The following NFATC3 variants were observed in gnomAD, a reference collection of about 807,000 sequenced individuals.
NFATC3 encodes nuclear factor of activated T cells 3.
NFATC3 carries 46 observed loss-of-function variants against 98.6 expected under a neutral mutation model. That is an observed-to-expected ratio of 0.47 (90% CI 0.37 to 0.60). The LOEUF is 0.60. Among genes scored for constraint, NFATC3 ranks in the 20% least tolerant of loss-of-function variants. The pLI, the probability that NFATC3 is intolerant of heterozygous loss-of-function variation, is 0.00. For synonymous variants in NFATC3, 512 were observed against 472.2 expected, an observed-to-expected ratio of 1.08 and a Z score of -1.09; for missense variants, 1,256 against 1,295.5, an observed-to-expected ratio of 0.97 and a Z score of 0.47.
intron 1 of NFATC3, among the ~76,000 whole-genome samples, chr16:68,094,316 G>A (rs904835969): frequency 1.1e-4 from 16 of 151,636 alleles, no homozygotes; most frequent in Non-Finnish European, 2.2e-4. Context: ...TAGATCTGTC[G>A]TCAAAATTGC....
chr16:68,193,423 G>T (rs1439924783), intron 9 of NFATC3, among the ~76,000 whole-genome samples: 1 of 152,120 alleles, frequency 6.6e-6, no homozygotes, highest in South Asian at 2.1e-4. Context: ...TCAGTGCTTT[G>T]GGAGGCCAAG....
At chr16:68,128,412 AATTT>A (rs886972935) in intron 3 of NFATC3, among the ~76,000 whole-genome samples, 1 of 152,086 alleles carries the variant, frequency 6.6e-6, no homozygotes, top group African/African-American at 2.4e-5. Flanking sequence ...TTGTTAAATG[AATTT>A]ATTTCATTTT....
intron 2 of NFATC3, among the ~76,000 whole-genome samples, chr16:68,125,751 T>G (rs180829952): frequency 1.3e-5 from 2 of 152,318 alleles, no homozygotes; most frequent in Admixed American, 1.3e-4. Flanking sequence ...CAAATTATTA[T>G]TTTTTGGTTA....
intron 3 of NFATC3, among the ~76,000 whole-genome samples, chr16:68,135,457 C>CAAAAAAA (rs60331468): frequency 2.5e-5 from 2 of 78,726 alleles, no homozygotes; most frequent in Non-Finnish European, 4.8e-5. Context: ...GACTCCGTCT[C>CAAAAAAA]AAAAAAAAAA....
intron 1 of NFATC3, among the ~76,000 whole-genome samples, chr16:68,097,877 C>G (rs964843132): frequency 6.6e-6 from 1 of 152,274 alleles, no homozygotes; most frequent in South Asian, 2.1e-4. Flanking sequence ...TCACTCCCTC[C>G]CATACACCTT....
chr16:68,130,164 T>C (rs535194889), intron 3 of NFATC3, among the ~76,000 whole-genome samples: 2 of 152,358 alleles, frequency 1.3e-5, no homozygotes, highest in African/African-American at 4.8e-5. Context: ...TTTGGATATA[T>C]ACCCTGTAGT....
intron 1 of NFATC3, among the ~76,000 whole-genome samples, chr16:68,104,187 G>T (rs1025153922): frequency 6.6e-6 from 1 of 152,038 alleles, no homozygotes; most frequent in African/African-American, 2.4e-5. Context: ...CACTTATTTA[G>T]GTCTTCTTTA....
intron 3 of NFATC3, among the ~76,000 whole-genome samples, chr16:68,153,103 A>G (rs909168456): frequency 6.6e-6 from 1 of 152,208 alleles, no homozygotes; most frequent in Non-Finnish European, 1.5e-5. Flanking sequence ...CTTGTTATCA[A>G]ATTAGATAGC....
rs144252889 is a variant in NFATC3, at chr16:68,204,926, T to A, written c.3106+13151T>A. Among the ~76,000 whole-genome samples the A allele has an allele frequency of 3.6e-3, 546 of 152,170 alleles. 2 individuals carry two copies. The highest frequency in any genetic ancestry group is 0.012 in the African/African-American group (501 of 41,532). On this transcript the variant is annotated intron_variant, in intron 9 of 9. Coordinates refer to ENST00000346183, the MANE Select transcript of NFATC3 (RefSeq NM_173165.3). ...TTACAAGGTTACCTCTTGCTAACAA[T>A]CATAGCTTTTGATAGACTTAGATAA... is the stretch of plus-strand genomic sequence containing the variant.
intron 1 of NFATC3, among the ~76,000 whole-genome samples, chr16:68,090,905 A>G (rs1026917152): frequency 2.0e-5 from 3 of 152,232 alleles, no homozygotes; most frequent in Non-Finnish European, 4.4e-5. Flanking sequence ...TAAATATTTT[A>G]ACATTTCATT....
intron 1 of NFATC3, among the ~76,000 whole-genome samples, chr16:68,104,271 A>G (rs1343923957): frequency 6.6e-6 from 1 of 152,068 alleles, no homozygotes; most frequent in Non-Finnish European, 1.5e-5. Flanking sequence ...ATTCCTGAGT[A>G]TTATTTCTTT....
chr16:68,104,653 G>GTTTTTT lies in NFATC3; in HGVS notation c.104-17323_104-17318dup, dbSNP rs778016298. Reference sequence around the variant, plus strand: ...GTTAGCTGTGGGCTTTTCACAAATGGTTTTTTTTTTTTTTTTGAAATGGAG... The same window carrying GTTTTTT: ...GTTAGCTGTGGGCTTTTCACAAATGGTTTTTTTTTTTTTTTTTTTTTTGAAATGGAG... On this transcript the variant is annotated intron_variant, in intron 1 of 9. Coordinates refer to ENST00000346183, the MANE Select transcript of NFATC3 (RefSeq NM_173165.3). 2.9e-3 allele frequency among the ~76,000 whole-genome samples: 373 copies of GTTTTTT among 126,676 alleles called. 10 individuals carry two copies. Among genetic ancestry groups the GTTTTTT allele is most frequent in the Non-Finnish European group, 3.9e-3 (236 of 60,622 alleles). The allele number at this position is 126,676 out of a possible 152,430, so 83.1% of individuals were successfully genotyped here. A position where few individuals can be genotyped will look rare whatever the true frequency, so the allele number is the denominator to read the frequency against.
At chr16:68,144,478 A>G (rs2037928393) in intron 3 of NFATC3, among the ~76,000 whole-genome samples, 1 of 152,104 alleles carries the variant, frequency 6.6e-6, no homozygotes, top group African/African-American at 2.4e-5. Flanking sequence ...TACTAATAAT[A>G]TTCGTAACAA....
intron 3 of NFATC3, among the ~76,000 whole-genome samples, chr16:68,152,064 CAAA>C (rs113165246): frequency 0.011 from 911 of 80,354 alleles, 11 homozygotes; most frequent in African/African-American, 0.033. Flanking sequence ...GGCTCCGTTT[CAAA>C]AAAAAAAAAA....
chr16:68,168,952 A>G (rs1288827216), intron 5 of NFATC3, among the ~76,000 whole-genome samples: 1 of 152,190 alleles, frequency 6.6e-6, no homozygotes, highest in Non-Finnish European at 1.5e-5. Flanking sequence ...TAAAATTTAA[A>G]AAATATATTC....
chr16:68,090,222 A>G (rs1712495664), intron 1 of NFATC3, among the ~76,000 whole-genome samples: 1 of 152,014 alleles, frequency 6.6e-6, no homozygotes, highest in Admixed American at 6.6e-5. Context: ...TAAATGAGAT[A>G]ATGTATTTAA....
intron 6 of NFATC3, among the ~76,000 whole-genome samples, chr16:68,178,029 T>C (rs2039795781): frequency 6.6e-6 from 1 of 152,184 alleles, no homozygotes; most frequent in Non-Finnish European, 1.5e-5. Context: ...TTGTTTGTTT[T>C]TTTATACGAA....
chr16:68,162,197 T>C (rs998601867), intron 4 of NFATC3, among the ~76,000 whole-genome samples: 1 of 152,214 alleles, frequency 6.6e-6, no homozygotes, highest in Admixed American at 6.5e-5. Context: ...TTATGTATAT[T>C]GGAGAAAGGA....
intron 6 of NFATC3, among the ~76,000 whole-genome samples, chr16:68,175,454 G>GTAGA (rs1347065133): frequency 6.6e-6 from 1 of 152,160 alleles, no homozygotes; most frequent in East Asian, 1.9e-4. Context: ...TAAAGTAGAA[G>GTAGA]AATTCAGTGT....
Sources: gnomAD v4.1 joint callset for allele counts (sites outside exome capture counted in the v4.1 genomes callset) on GRCh38, gnomAD v4.1.1 for gene constraint, MANE v1.5 for transcripts, NCBI Gene and HGNC (gene_info 2026-07-23, HGNC 2026-07-21) for gene names.